The following KIF1B variants were observed in gnomAD, a reference collection of about 807,000 sequenced individuals.
KIF1B encodes the protein kinesin-like protein KIF1B.
A neutral mutation model predicts 241.9 loss-of-function variants in KIF1B; 76 were observed. The observed-to-expected ratio is 0.31, with a 90% CI of 0.26 to 0.38. KIF1B has a LOEUF of 0.38. KIF1B is among the 10% of genes least tolerant of loss of function. The pLI is 1.00. For missense variants in KIF1B, 1,622 were observed against 2,271.4 expected (o/e 0.71, Z 5.81); for synonymous variants, 750 against 796.7 (o/e 0.94, Z 0.99).
chr1:10,336,765 GA>G, intron 29 of KIF1B, 23 bp downstream of exon 29: 1 of 1,576,478 alleles, frequency 6.3e-7, no homozygotes, highest in South Asian at 1.1e-5. Flanking sequence ...CAGGAAGAAG[GA>G]AAACCCTGTG....
intron 45 of KIF1B, among the ~76,000 whole-genome samples, chr1:10,372,662 AG>A (rs1174558362): frequency 1.8e-5 from 2 of 113,758 alleles, no homozygotes; most frequent in Non-Finnish European, 3.5e-5. Flanking sequence ...TGGGTGACAG[AG>A]CTGTCACCCA....
intron 13 of KIF1B, chr1:10,278,798 C>T (rs1409248627): frequency 6.2e-6 from 2 of 321,470 alleles, no homozygotes; most frequent in African/African-American, 4.2e-5. Context: ...AAAATGGATT[C>T]ATATAGGAAT....
chr1:10,272,650 C>T (rs1408537841), intron 9 of KIF1B, among the ~76,000 whole-genome samples: 1 of 149,372 alleles, frequency 6.7e-6, no homozygotes, highest in East Asian at 1.9e-4. Context: ...GAGTAAGATG[C>T]AGTATCTTTT....
chr1:10,288,968 G>T (rs748218986), intron 15 of KIF1B, among the ~76,000 whole-genome samples: 1 of 152,112 alleles, frequency 6.6e-6, no homozygotes, highest in Non-Finnish European at 1.5e-5. Flanking sequence ...AGATATTTAC[G>T]TTTTGGGGTC....
Position 10,278,012 on chromosome 1 carries a change from A to C in KIF1B, c.1064A>C (p.Lys355Thr), listed in dbSNP as rs1175394757. 6.2e-7 allele frequency: 1 copy of C among 1,614,070 alleles called. No individual in the cohort carries two copies. Among genetic ancestry groups the C allele is most frequent in the African/African-American group, 1.3e-5 (1 of 75,064 alleles). ...LRYADRAKQI[K>T]CNAVINEDPN... is the part of the protein sequence containing the mutation. ...TATGCAGATCGTGCAAAACAAATTA[A>C]ATGCAATGCTGTTATCAATGAGGAC... The change falls in exon 13 of 49, where the codon AAA becomes ACA. Residue 355 changes from lysine to threonine, a missense_variant. This residue lies in a region of KIF1B where 201 missense variants were observed against 301.2 expected (regional missense o/e 0.67). Coordinates refer to ENST00000676179, the MANE Select transcript of KIF1B (RefSeq NM_001365951.3).
chr1:10,224,077 A>G (rs903635347), intron 1 of KIF1B, among the ~76,000 whole-genome samples: 3 of 152,094 alleles, frequency 2.0e-5, no homozygotes, highest in African/African-American at 7.2e-5. Flanking sequence ...TGCCAGAATT[A>G]CAGCAGGTGT....
intron 37 of KIF1B, among the ~76,000 whole-genome samples, chr1:10,352,402 A>G (rs903171676): frequency 1.3e-5 from 2 of 152,186 alleles, no homozygotes. Flanking sequence ...TTGTGAATAA[A>G]AGTTGGGATG....
intron 26 of KIF1B, among the ~76,000 whole-genome samples, chr1:10,325,623 G>A (rs1269824265): frequency 6.6e-6 from 1 of 152,182 alleles, no homozygotes; most frequent in Non-Finnish European, 1.5e-5. Context: ...TAGCAAAGTA[G>A]TTTTTCAAAG....
intron 38 of KIF1B, among the ~76,000 whole-genome samples, chr1:10,360,387 TAAAAA>T (rs533365657): frequency 4.6e-5 from 7 of 151,826 alleles, no homozygotes; most frequent in Non-Finnish European, 7.4e-5. Context: ...AAAACAAAAT[TAAAAA>T]AAGCACAACT....
chr1:10,265,060 C>T (rs1410001180), intron 5 of KIF1B, among the ~76,000 whole-genome samples: 2 of 152,054 alleles, frequency 1.3e-5, no homozygotes, highest in African/African-American at 4.8e-5. Context: ...CCTTGACCTC[C>T]TGGGCTCAGT....
At chr1:10,217,676 T>C (rs1646787360) in intron 1 of KIF1B, among the ~76,000 whole-genome samples, 1 of 152,078 alleles carries the variant, frequency 6.6e-6, no homozygotes, top group South Asian at 2.1e-4. Flanking sequence ...GGCTAACTCC[T>C]TTACCTCTTT....
At chr1:10,279,045 G>A in intron 13 of KIF1B, 52 bp from the exon 14 acceptor site, 1 of 1,396,826 alleles carries the variant, frequency 7.2e-7, no homozygotes, top group Non-Finnish European at 9.9e-7. Context: ...CTGTGTCACT[G>A]CTGAACCTGA....
At chr1:10,215,172 A>ATATATATTT (rs1377684765) in intron 1 of KIF1B, among the ~76,000 whole-genome samples, 1 of 45,362 alleles carries the variant, frequency 2.2e-5, no homozygotes, top group African/African-American at 1.0e-4. Flanking sequence ...ATATATATAT[A>ATATATATTT]TTTTTTTTTT....
chr1:10,321,486 A>G (rs1008823251), intron 23 of KIF1B, among the ~76,000 whole-genome samples: 3 of 152,116 alleles, frequency 2.0e-5, no homozygotes, highest in Non-Finnish European at 4.4e-5. Context: ...GTACTATTTT[A>G]AATAAATACA....
chr1:10,320,172 CT>C, intron 23 of KIF1B, 36 bp downstream of exon 23: 1 of 1,390,570 alleles, frequency 7.2e-7, no homozygotes, highest in Non-Finnish European at 1.0e-6. Context: ...CTGTGTATAT[CT>C]TTTTGAAGTT....
intron 22 of KIF1B, chr1:10,305,118 G>C: frequency 9.4e-7 from 1 of 1,062,016 alleles, no homozygotes; most frequent in Admixed American, 4.9e-5. Flanking sequence ...AACTGGGTGG[G>C]CACAGCTTTG....
At chr1:10,259,750 T>TCC (rs1648017331) in intron 4 of KIF1B, among the ~76,000 whole-genome samples, 1 of 151,908 alleles carries the variant, frequency 6.6e-6, no homozygotes, top group Admixed American at 6.6e-5. Flanking sequence ...TCCGCCCACC[T>TCC]CCGCCTCCCA....
rs781560646 is a variant in KIF1B at position 10,304,596 on chromosome 1, G to A, written c.2115+7350G>A. ...AGTTTGTGACACCTCCGCGGATGAG[G>A]AGACAGTTCTCAGCACCCAATCTCA... is the stretch of plus-strand genomic sequence containing the variant. On this transcript the variant is annotated intron_variant, in intron 22 of 48. Coordinates refer to ENST00000676179, the MANE Select transcript of KIF1B (RefSeq NM_001365951.3). 6.3e-5 allele frequency: 101 copies of A among 1,613,978 alleles called. No individual in the cohort carries two copies. The highest frequency in any genetic ancestry group is 7.9e-5 in the Non-Finnish European group (93 of 1,180,038).
chr1:10,211,410 A>AG (rs1258096882), intron 1 of KIF1B, among the ~76,000 whole-genome samples: 3 of 152,110 alleles, frequency 2.0e-5, no homozygotes, highest in Non-Finnish European at 4.4e-5. Flanking sequence ...ATAGGAAGGG[A>AG]GGGGGCTTGT....
Sources: gnomAD v4.1 joint callset for allele counts (sites outside exome capture counted in the v4.1 genomes callset) on GRCh38, gnomAD v4.1.1 for gene constraint, gnomAD v4.1.1 regional missense constraint, MANE v1.5 for transcripts, NCBI Gene and HGNC (gene_info 2026-07-23, HGNC 2026-07-21) for gene names.